ITPRID1: variants seen among roughly 807,000 people sequenced by gnomAD.
The protein encoded by ITPRID1 is protein ITPRID1.
In ITPRID1, 96 loss-of-function variants were observed where a neutral mutation model predicts 95.4. The observed-to-expected ratio is 1.01, with a 90% confidence interval of 0.85 to 1.19. ITPRID1 has a LOEUF of 1.19. ITPRID1 is among the 50% of genes most tolerant of loss of function. The pLI is 0.00. For missense variants in ITPRID1, 1,339 were observed against 1,252.9 expected (o/e 1.07, Z -1.04); for synonymous variants, 510 against 453.6 (o/e 1.12, Z -1.58).
At chr7:31,515,872 G>A (rs1408571331) in intron 1 of ITPRID1, among the ~76,000 whole-genome samples, 1 of 152,180 alleles carries the variant, frequency 6.6e-6, no homozygotes, top group Non-Finnish European at 1.5e-5. Flanking sequence ...CAGGGAACAA[G>A]CAGCTCTCCA....
At chr7:31,647,399 C>T (rs1021407601) in intron 12 of ITPRID1, among the ~76,000 whole-genome samples, 3 of 151,920 alleles carry the variant, frequency 2.0e-5, no homozygotes, top group Non-Finnish European at 4.4e-5. Context: ...TGGTGGCTCA[C>T]GCCTGTAATC....
At chr7:31,539,156 T>C (rs1223546309) in intron 1 of ITPRID1, among the ~76,000 whole-genome samples, 1 of 152,188 alleles carries the variant, frequency 6.6e-6, no homozygotes, top group African/African-American at 2.4e-5. Flanking sequence ...CAATGTGCAA[T>C]TGTATGTGTG....
intron 5 of ITPRID1, 38 bp downstream of exon 5, chr7:31,554,939 G>A (rs1415035831): frequency 3.5e-6 from 5 of 1,431,950 alleles, no homozygotes; most frequent in Non-Finnish European, 4.8e-6. Flanking sequence ...GGGAAGCTGA[G>A]TAGGAGATAT....
intron 10 of ITPRID1, among the ~76,000 whole-genome samples, chr7:31,612,050 G>GT (rs1786893184): frequency 1.3e-5 from 2 of 151,278 alleles, no homozygotes; most frequent in Non-Finnish European, 3.0e-5. Context: ...TTTTTTTTCT[G>GT]TTTTTCCAGC....
chr7:31,619,183 G>T (rs976633745), intron 10 of ITPRID1, among the ~76,000 whole-genome samples: 9 of 152,128 alleles, frequency 5.9e-5, no homozygotes, highest in Admixed American at 2.6e-4. Flanking sequence ...GTAAGTACAG[G>T]CAAGGTGTCC....
chr7:31,532,107 C>T (rs1013867293), intron 1 of ITPRID1, among the ~76,000 whole-genome samples: 12 of 151,884 alleles, frequency 7.9e-5, no homozygotes, highest in Non-Finnish European at 1.3e-4. Flanking sequence ...TAATTCCTTT[C>T]CATTTTGAGA....
At chr7:31,577,789 A>C in intron 8 of ITPRID1, 74 bp from the exon 9 acceptor site, 1 of 1,255,810 alleles carries the variant, frequency 8.0e-7, no homozygotes, top group Non-Finnish European at 1.1e-6. Context: ...CGGACCCTTC[A>C]GTTTTGACTA....
intron 5 of ITPRID1, 82 bp from the exon 6 acceptor site, chr7:31,569,676 C>A: frequency 8.4e-7 from 1 of 1,187,084 alleles, no homozygotes. Context: ...TTCAATTCTA[C>A]CTTGGTTTCA....
chr7:31,651,874 G>T, intron 13 of ITPRID1, 65 bp from the exon 14 acceptor site: 1 of 1,126,364 alleles, frequency 8.9e-7, no homozygotes, highest in South Asian at 1.3e-5. Flanking sequence ...ATTATGAGGT[G>T]ACAATGGAAG....
intron 8 of ITPRID1, among the ~76,000 whole-genome samples, chr7:31,576,019 T>C (rs1785169878): frequency 6.6e-6 from 1 of 152,198 alleles, no homozygotes; most frequent in Non-Finnish European, 1.5e-5. Context: ...CTTTGATCAA[T>C]TCTTTATTTC....
At chr7:31,588,144 T>C (rs984460903) in intron 10 of ITPRID1, among the ~76,000 whole-genome samples, 1 of 152,146 alleles carries the variant, frequency 6.6e-6, no homozygotes, top group Non-Finnish European at 1.5e-5. Flanking sequence ...CAGAGAATAA[T>C]CATAAACTCT....
Position 31,539,423 on chromosome 7 carries a change from A to G in ITPRID1, c.-97-10003A>G, listed in dbSNP as rs569488753. ...TTGTCTTGAACTCCTAAGCTCAGGC[A>G]ATCTATTGATCCTCCCACAGTGCTG... On this transcript the variant is annotated intron_variant, in intron 1 of 14. Transcript: ENST00000615280. 2.4e-4 allele frequency among the ~76,000 whole-genome samples: 36 copies of G among 152,248 alleles called. 1 individual carries two copies. The highest frequency in any genetic ancestry group is 8.4e-4 in the African/African-American group (35 of 41,546).
intron 10 of ITPRID1, among the ~76,000 whole-genome samples, chr7:31,628,473 T>C (rs1238827310): frequency 2.7e-5 from 4 of 150,084 alleles, no homozygotes; most frequent in African/African-American, 1.0e-4. Flanking sequence ...TTTTTTTTCT[T>C]TTTTTGAGGA....
At chr7:31,631,686 G>A (rs1234709088) in intron 10 of ITPRID1, among the ~76,000 whole-genome samples, 1 of 152,132 alleles carries the variant, frequency 6.6e-6, no homozygotes, top group Non-Finnish European at 1.5e-5. Flanking sequence ...AAAGAAGGGA[G>A]GAAGAAAGGA....
At chr7:31,636,704 C>T (rs1327470562) in intron 10 of ITPRID1, among the ~76,000 whole-genome samples, 2 of 151,358 alleles carry the variant, frequency 1.3e-5, no homozygotes, top group Admixed American at 1.3e-4. Context: ...CCCAGAAGCA[C>T]ATAAAGGGAT....
intron 10 of ITPRID1, among the ~76,000 whole-genome samples, chr7:31,610,059 T>C (rs1294342397): frequency 6.6e-6 from 1 of 151,628 alleles, no homozygotes; most frequent in Non-Finnish European, 1.5e-5. Context: ...TTTTAAAAAA[T>C]TGCTACATAT....
chr7:31,641,199 T>C (rs1197797962), intron 10 of ITPRID1, among the ~76,000 whole-genome samples: 1 of 152,148 alleles, frequency 6.6e-6, no homozygotes, highest in Non-Finnish European at 1.5e-5. Flanking sequence ...TGGGATCATT[T>C]CCCTCCCTTG....
Position 31,517,646 on chromosome 7 carries a change from G to A in ITPRID1, c.-98+3526G>A, listed in dbSNP as rs574108139. The A allele has an allele frequency of 1.2e-3, 186 of 152,890 alleles. 3 individuals carry two copies. The highest frequency in any genetic ancestry group is 3.4e-3 in the Middle Eastern group (1 of 292). The allele number at this position is 152,890 out of a possible 1,614,324, so 9.5% of individuals were successfully genotyped here. ...GCCCACGCCCACCCGGAACCGCGCCGGCCAGCGAGGTCCGTGCGCAGCCCC... is the reference window on the plus strand; with the variant it reads ...GCCCACGCCCACCCGGAACCGCGCCAGCCAGCGAGGTCCGTGCGCAGCCCC... On this transcript the variant is annotated intron_variant, in intron 1 of 14. Coordinates refer to ENST00000615280, the MANE Select transcript of ITPRID1 (RefSeq NM_001257967.3).
chr7:31,613,416 C>T (rs1786971767), intron 10 of ITPRID1, among the ~76,000 whole-genome samples: 1 of 152,082 alleles, frequency 6.6e-6, no homozygotes, highest in South Asian at 2.1e-4. Context: ...TTCGGAGGTT[C>T]TATTTCCACT....
Sources: allele counts gnomAD v4.1 joint callset (sites outside exome capture counted in the v4.1 genomes callset), GRCh38; gene constraint gnomAD v4.1.1; transcripts MANE v1.5; gene names NCBI Gene and HGNC (gene_info 2026-07-23, HGNC 2026-07-21).